The following DCHS2 variants were observed in gnomAD, a reference collection of about 807,000 sequenced individuals.
DCHS2 encodes dachsous cadherin-related 2.
DCHS2 carries 142 observed loss-of-function variants against 182.4 expected under a neutral mutation model. The observed-to-expected ratio is 0.78, with a 90% CI of 0.68 to 0.89. The LOEUF (loss-of-function observed/expected upper bound fraction) is 0.89, where lower values mean the gene tolerates loss of function less well. Among genes scored for constraint, DCHS2 ranks in the 40% least tolerant of loss-of-function variants. The pLI is 0.00. For synonymous variants in DCHS2, 1,740 were observed against 1,663.3 expected (o/e 1.05, Z -1.12); for missense variants, 4,319 against 4,198.6 (o/e 1.03, Z -0.79).
At position 154,491,092 on chromosome 4, in the gene DCHS2, G is replaced by A. The variant is rs1283688889; in HGVS notation, c.264C>T (p.Ala88=). The A allele has an allele frequency of 6.4e-7, 1 of 1,551,334 alleles. No individual in the cohort carries two copies. Among genetic ancestry groups the A allele is most frequent in the South Asian group, 1.2e-5 (1 of 84,048 alleles). Reference sequence around the variant, plus strand: ...CCTGCTGCTGCGCGGCCGGCAGCCCGGCGCGGATGTCACCTACCAGCGTGT... The same window carrying A: ...CCTGCTGCTGCGCGGCCGGCAGCCCAGCGCGGATGTCACCTACCAGCGTGT... ...PPDTLVGDIR[A]GLPAAQQQEG... The change falls in exon 1 of 20, where the codon GCC becomes GCT. Residue 88 remains alanine (A), a synonymous_variant. Transcript: ENST00000357232.
chr4:154,425,773 C>T (rs1359956210), intron 1 of DCHS2, among the ~76,000 whole-genome samples: 1 of 152,234 alleles, frequency 6.6e-6, no homozygotes, highest in Non-Finnish European at 1.5e-5. Context: ...CTGTCATCAG[C>T]TTCTCAGTGT....
rs774857599 is a variant in DCHS2, at chr4:154,240,560, C to G, written c.7336G>C (p.Val2446Leu). ...ACCTGATAGAAATCTTGAGAAAACA[C>G]TGGTGGATTATCATTGACATCCAGC... ...RVLDVNDNPP[V>L]FSQDFYQVTV... The change falls in exon 18 of 20, where the codon GTG becomes CTG. Residue 2446 changes from valine to leucine, a missense_variant. Physicochemically the swap from Val to Leu is conservative, Grantham distance 32. Transcript: ENST00000357232. The G allele has an allele frequency of 1.2e-6, 2 of 1,613,636 alleles. No individual in the cohort carries two copies. Among genetic ancestry groups the G allele is most frequent in the South Asian group, 2.2e-5 (2 of 91,074 alleles).
rs749507061 is a variant in DCHS2, at chr4:154,259,682, C to T, written c.6652G>A (p.Glu2218Lys). The T allele has an allele frequency of 1.2e-6, 2 of 1,614,064 alleles. No individual in the cohort carries two copies. The highest frequency in any genetic ancestry group is 2.2e-5 in the South Asian group (2 of 91,070). The change falls in exon 15 of 20, where the codon GAA becomes AAA. Residue 2218 changes from glutamate (E) to lysine (K), a missense_variant. Transcript: ENST00000357232. ...CAATAGGCTCTATGCCCACTACTTT[C>T]AGCTAAAACGATGAGTTGAACCTCA... Reference protein sequence around the residue: ...RNEVQLIVLAESSGHRAYCKV... With the variant: ...RNEVQLIVLAKSSGHRAYCKV...
At chr4:154,409,431 C>T (rs1023922954) in intron 1 of DCHS2, among the ~76,000 whole-genome samples, 3 of 152,190 alleles carry the variant, frequency 2.0e-5, no homozygotes, top group African/African-American at 7.2e-5. Context: ...GTACCCTGTT[C>T]ACCGAACTCA....
chr4:154,455,966 T>C (rs1273915700), intron 1 of DCHS2, among the ~76,000 whole-genome samples: 3 of 152,178 alleles, frequency 2.0e-5, no homozygotes, highest in Middle Eastern at 6.8e-3. Flanking sequence ...GGCACATGCC[T>C]GTAATCCCAG....
chr4:154,441,061 C>G (rs1174580112), intron 1 of DCHS2, among the ~76,000 whole-genome samples: 1 of 152,044 alleles, frequency 6.6e-6, no homozygotes, highest in Admixed American at 6.6e-5. Flanking sequence ...CTGGCATGGG[C>G]AAAAATAAAG....
intron 1 of DCHS2, among the ~76,000 whole-genome samples, chr4:154,399,369 G>A (rs950265176): frequency 6.6e-6 from 1 of 152,180 alleles, no homozygotes; most frequent in East Asian, 1.9e-4. Context: ...TTAAGAGTTA[G>A]AGACAGTTTA....
chr4:154,358,445 C>A (rs747941960), intron 3 of DCHS2, among the ~76,000 whole-genome samples: 1 of 152,134 alleles, frequency 6.6e-6, no homozygotes, highest in Non-Finnish European at 1.5e-5. Flanking sequence ...AATACAGGCA[C>A]CTTCATGAGA....
At chr4:154,302,944 C>G in intron 12 of DCHS2, among the ~76,000 whole-genome samples, 4 of 47,456 alleles carry the variant, frequency 8.4e-5, no homozygotes, top group African/African-American at 5.3e-4. Context: ...TATACACACA[C>G]ACACACACAC....
chr4:154,370,304 A>T (rs1029781742), intron 2 of DCHS2, among the ~76,000 whole-genome samples: 1 of 152,194 alleles, frequency 6.6e-6, no homozygotes, highest in African/African-American at 2.4e-5. Flanking sequence ...TGTAGAGAAA[A>T]GCAGTCTTAT....
chr4:154,362,497 C>A (rs1185572859), intron 3 of DCHS2, among the ~76,000 whole-genome samples: 1 of 152,096 alleles, frequency 6.6e-6, no homozygotes, highest in Non-Finnish European at 1.5e-5. Context: ...ACACTGGCAG[C>A]CTCTGTAGAG....
intron 3 of DCHS2, among the ~76,000 whole-genome samples, chr4:154,352,756 C>A: frequency 6.6e-6 from 1 of 152,118 alleles, no homozygotes; most frequent in South Asian, 2.1e-4. Flanking sequence ...ATGTGAGAAA[C>A]CTAGAGAATA....
rs1216295373 is a variant in DCHS2, at chr4:154,300,533, T to C, written c.5606-1825A>G. 2.0e-5 allele frequency among the ~76,000 whole-genome samples: 3 copies of C among 150,306 alleles called. No individual in the cohort carries two copies. The East Asian group carries it at 5.8e-4, about 29-fold the overall frequency. On this transcript the variant is annotated intron_variant, in intron 12 of 19. Transcript: ENST00000357232. ...TACAAAAAAAAAAAAAAAAAAGTTT[T>C]TAAGTTATTCAGGCATGGTGACATG...
At chr4:154,387,251 A>C (rs1731462752) in intron 1 of DCHS2, among the ~76,000 whole-genome samples, 1 of 152,136 alleles carries the variant, frequency 6.6e-6, no homozygotes, top group Non-Finnish European at 1.5e-5. Flanking sequence ...CAGTCTAAGG[A>C]AATTTTGTGA....
chr4:154,384,224 AG>A (rs1229020559), intron 1 of DCHS2: 1 of 1,330,696 alleles, frequency 7.5e-7, no homozygotes, highest in African/African-American at 1.5e-5. Context: ...CAAGTTCCAA[AG>A]TCTAATGATC....
intron 13 of DCHS2, among the ~76,000 whole-genome samples, chr4:154,295,600 C>T (rs571926485): frequency 6.6e-6 from 1 of 152,312 alleles, no homozygotes; most frequent in East Asian, 1.9e-4. Flanking sequence ...TGTTATGTAA[C>T]AACTGGTTGC....
intron 2 of DCHS2, among the ~76,000 whole-genome samples, chr4:154,368,276 A>T (rs1432876378): frequency 6.6e-6 from 1 of 152,054 alleles, no homozygotes; most frequent in Non-Finnish European, 1.5e-5. Flanking sequence ...TGCTGCTCGA[A>T]ACTGCCTTTC....
intron 1 of DCHS2, among the ~76,000 whole-genome samples, chr4:154,477,779 T>G (rs1156505764): frequency 6.6e-6 from 1 of 152,220 alleles, no homozygotes; most frequent in Non-Finnish European, 1.5e-5. Flanking sequence ...TCTTTGGCAT[T>G]CAAAACTTAG....
chr4:154,312,427 T>C (rs1451023736), intron 10 of DCHS2, among the ~76,000 whole-genome samples: 1 of 152,176 alleles, frequency 6.6e-6, no homozygotes, highest in Admixed American at 6.5e-5. Flanking sequence ...CTCACAACTG[T>C]AATCCCTATA....
Sources: allele counts gnomAD v4.1 joint callset (sites outside exome capture counted in the v4.1 genomes callset), GRCh38; gene constraint gnomAD v4.1.1; transcripts MANE v1.5; gene names NCBI Gene and HGNC (gene_info 2026-07-23, HGNC 2026-07-21).